DPP6: variants seen among roughly 807,000 people sequenced by gnomAD.
DPP6 encodes dipeptidyl peptidase like 6.
DPP6 carries 69 observed loss-of-function variants against 122.6 expected under a neutral mutation model. That is an observed-to-expected ratio of 0.56 (90% CI 0.46 to 0.69). The LOEUF (loss-of-function observed/expected upper bound fraction) is 0.69. DPP6 is among the 30% of genes least tolerant of loss of function. The pLI, the probability that DPP6 is intolerant of heterozygous loss-of-function variation, is 0.00. For missense variants in DPP6, 928 were observed against 1,116.9 expected, an observed-to-expected ratio of 0.83 and a Z score of 2.41; for synonymous variants, 418 against 433.1, an observed-to-expected ratio of 0.97 and a Z score of 0.43.
intron 7 of DPP6, among the ~76,000 whole-genome samples, chr7:154,718,269 T>C (rs1168739777): frequency 6.8e-6 from 1 of 147,900 alleles, no homozygotes; most frequent in Non-Finnish European, 1.5e-5. Context: ...ATCGCCTTTT[T>C]CTATTTTTGT....
At chr7:154,488,178 T>C (rs1823957342) in intron 3 of DPP6, among the ~76,000 whole-genome samples, 1 of 152,148 alleles carries the variant, frequency 6.6e-6, no homozygotes, top group Admixed American at 6.5e-5. Context: ...CTTCGTGTTT[T>C]AAGAAAGTAG....
chr7:153,797,842 CT>C, the DPP6 span, among the ~76,000 whole-genome samples: 2 of 151,432 alleles, frequency 1.3e-5, no homozygotes, highest in African/African-American at 4.9e-5. Flanking sequence ...TCTTCTTCTT[CT>C]TTTTTTTCTT....
chr7:154,141,665 C>T (rs1442075197), intron 1 of DPP6, among the ~76,000 whole-genome samples: 1 of 152,188 alleles, frequency 6.6e-6, no homozygotes, highest in Non-Finnish European at 1.5e-5. Flanking sequence ...GCAGAGGCCC[C>T]CACGCAGCTC....
intron 1 of DPP6, among the ~76,000 whole-genome samples, chr7:154,343,784 T>C (rs1057240090): frequency 6.6e-6 from 1 of 152,162 alleles, no homozygotes; most frequent in Non-Finnish European, 1.5e-5. Context: ...TTTCACCATG[T>C]TGGCCAGGCT....
intron 13 of DPP6, among the ~76,000 whole-genome samples, chr7:154,802,983 C>T (rs1284591053): frequency 6.6e-6 from 1 of 152,204 alleles, no homozygotes; most frequent in African/African-American, 2.4e-5. Context: ...CATGAGGCAC[C>T]ACCTCCTGCA....
intron 1 of DPP6, among the ~76,000 whole-genome samples, chr7:153,980,713 T>G (rs796091124): frequency 1.4e-4 from 21 of 152,342 alleles, no homozygotes; most frequent in African/African-American, 5.1e-4. Flanking sequence ...TAAATACTGC[T>G]TTAGCTTTGT....
At position 154,779,810 on chromosome 7, in the gene DPP6, A is replaced by C. The variant is rs1157689669; in HGVS notation, c.1136+6868A>C. Among the ~76,000 whole-genome samples the C allele has an allele frequency of 2.0e-5, 3 of 152,050 alleles. No individual in the cohort carries two copies. The East Asian group carries it at 5.8e-4, about 29-fold the overall frequency. ...ATTTTACAAATTATAGCTATGCCCA[A>C]CCCCCAGTTCCACCCCATCCCTGAG... On this transcript the variant is annotated intron_variant, in intron 10 of 25. Transcript: ENST00000377770.
chr7:154,471,048 C>T (rs1245470391), intron 2 of DPP6, among the ~76,000 whole-genome samples: 4 of 151,982 alleles, frequency 2.6e-5, no homozygotes, highest in African/African-American at 7.3e-5. Context: ...GTCAGGAGTT[C>T]GAGACCAGCC....
chr7:154,317,229 G>C (rs963579244), intron 1 of DPP6, among the ~76,000 whole-genome samples: 2 of 152,160 alleles, frequency 1.3e-5, no homozygotes, highest in African/African-American at 4.8e-5. Context: ...AGGTGTGGTG[G>C]CTCACGCCTG....
rs191573328 is a variant in DPP6, at chr7:153,975,541, A to G, written c.51+87807A>G. On this transcript the variant is annotated intron_variant, in intron 1 of 25. Transcript: ENST00000404039. ...GAACTAAGAGAGAAAACTATGGTAT[A>G]TTTTCTAAAAAAAAAAAAGAAAATA... 3.7e-3 allele frequency among the ~76,000 whole-genome samples: 555 copies of G among 148,480 alleles called. 3 individuals are homozygous for G. The highest frequency in any genetic ancestry group is 0.013 in the African/African-American group (519 of 38,828).
the DPP6 span, among the ~76,000 whole-genome samples, chr7:153,763,764 A>G: frequency 1.3e-5 from 2 of 152,244 alleles, no homozygotes; most frequent in Non-Finnish European, 2.9e-5. Context: ...ACAAGAGCTC[A>G]GACTGCCCAA....
At chr7:154,505,813 A>G (rs1825623449) in intron 3 of DPP6, among the ~76,000 whole-genome samples, 1 of 152,110 alleles carries the variant, frequency 6.6e-6, no homozygotes. Flanking sequence ...TCTCTACTGT[A>G]ACTACATTTT....
chr7:154,560,982 G>A, intron 4 of DPP6, among the ~76,000 whole-genome samples: 1 of 151,448 alleles, frequency 6.6e-6, no homozygotes, highest in South Asian at 2.1e-4. Flanking sequence ...AGATAAAATA[G>A]ACAACAAGGA....
chr7:154,215,137 G>C (rs1424397410), intron 1 of DPP6, among the ~76,000 whole-genome samples: 1 of 152,174 alleles, frequency 6.6e-6, no homozygotes, highest in African/African-American at 2.4e-5. Flanking sequence ...ACATGGCTGG[G>C]GAGGTCTCAG....
chr7:154,641,399 G>T (rs1267763729), intron 6 of DPP6, among the ~76,000 whole-genome samples: 1 of 152,126 alleles, frequency 6.6e-6, no homozygotes, highest in Admixed American at 6.5e-5. Context: ...CATTTCACTA[G>T]AAGTTTTTAT....
the DPP6 span, among the ~76,000 whole-genome samples, chr7:153,778,531 G>A: frequency 1.6e-4 from 24 of 149,964 alleles, no homozygotes; most frequent in African/African-American, 5.8e-4. Context: ...TTTGTATAGA[G>A]TAAAATATAC....
chr7:154,506,465 A>G (rs1019684995), intron 3 of DPP6, among the ~76,000 whole-genome samples: 3 of 152,188 alleles, frequency 2.0e-5, no homozygotes, highest in Non-Finnish European at 4.4e-5. Flanking sequence ...TAATACAACT[A>G]TCTTAAAAAG....
At chr7:154,535,575 A>C (rs1267812310) in intron 3 of DPP6, among the ~76,000 whole-genome samples, 1 of 151,972 alleles carries the variant, frequency 6.6e-6, no homozygotes, top group African/African-American at 2.4e-5. Flanking sequence ...TGTTTAAAAA[A>C]TTAATTGGGA....
chr7:154,364,919 T>C (rs1372933815), intron 1 of DPP6, among the ~76,000 whole-genome samples: 1 of 152,168 alleles, frequency 6.6e-6, no homozygotes, highest in East Asian at 1.9e-4. Context: ...ACATTCATTA[T>C]TGAATGAAGT....
Sources: gnomAD v4.1 joint callset for allele counts (sites outside exome capture counted in the v4.1 genomes callset) on GRCh38, gnomAD v4.1.1 for gene constraint, MANE v1.5 for transcripts, NCBI Gene and HGNC (gene_info 2026-07-23, HGNC 2026-07-21) for gene names.